The following KIAA0319 variants were observed in gnomAD, a reference collection of about 807,000 sequenced individuals.
KIAA0319 encodes the protein KIAA0319, also known as dyslexia-associated protein KIAA0319.
KIAA0319 carries 83 observed loss-of-function variants against 108.4 expected under a neutral mutation model. The observed-to-expected ratio is 0.77, with a 90% CI of 0.64 to 0.92. The LOEUF is 0.92. KIAA0319 is among the 40% of genes least tolerant of loss of function. KIAA0319 has a pLI of 0.00. For missense variants in KIAA0319, 1,195 were observed against 1,322.4 expected (o/e 0.90, Z 1.49); for synonymous variants, 484 against 510.4 (o/e 0.95, Z 0.70).
At chr6:24,616,443 C>T (rs1270129216) in intron 1 of KIAA0319, among the ~76,000 whole-genome samples, 2 of 152,138 alleles carry the variant, frequency 1.3e-5, no homozygotes, top group East Asian at 1.9e-4. Flanking sequence ...CTGAAACCTC[C>T]GCCTCCCGGG....
At chr6:24,605,062 A>G (rs1771206782) in intron 1 of KIAA0319, among the ~76,000 whole-genome samples, 1 of 152,158 alleles carries the variant, frequency 6.6e-6, no homozygotes, top group East Asian at 1.9e-4. Flanking sequence ...GCTGGTCTCG[A>G]TCTCCTGACC....
chr6:24,583,734 T>C, intron 4 of KIAA0319, 32 bp from the exon 5 acceptor site: 1 of 1,320,846 alleles, frequency 7.6e-7, no homozygotes, highest in Non-Finnish European at 1.1e-6. Context: ...TACGTGCAAT[T>C]ATATAATATA....
chr6:24,599,481 C>A lies in KIAA0319; in HGVS notation c.55+1568G>T. On this transcript the variant is annotated intron_variant, in intron 2 of 20. Coordinates refer to ENST00000378214, the MANE Select transcript of KIAA0319 (RefSeq NM_014809.4). This position sits in a 1 kb window ranked among gnomAD's most constrained non-coding sequence, Gnocchi z 4.1. ...ATGGCAGCTGCATGAGTACCAGGAG[C>A]TGATGATCATCAAGCCAACCCTGGA... 1.8e-6 allele frequency: 1 copy of A among 561,258 alleles called. No homozygotes were observed. The highest frequency in any genetic ancestry group is 4.2e-5 in the East Asian group (1 of 23,570). 34.8% of individuals were successfully genotyped at this position (561,258 alleles called of 1,614,324 possible).
intron 1 of KIAA0319, among the ~76,000 whole-genome samples, chr6:24,622,775 G>T (rs954195658): frequency 9.8e-5 from 15 of 152,288 alleles, no homozygotes; most frequent in African/African-American, 3.4e-4. Context: ...TGGGCACGGT[G>T]GTTCACACCT....
chr6:24,598,617 T>A, intron 2 of KIAA0319: 1 of 341,592 alleles, frequency 2.9e-6, no homozygotes, highest in Non-Finnish European at 5.7e-6. Context: ...GGCTCACATC[T>A]GTAATCCCAA....
intron 3 of KIAA0319, among the ~76,000 whole-genome samples, chr6:24,592,225 T>C (rs1768608912): frequency 6.6e-6 from 1 of 152,168 alleles, no homozygotes; most frequent in African/African-American, 2.4e-5. Flanking sequence ...GAGATAGGGG[T>C]CTAAATTCAT....
rs1021742910 is a variant in KIAA0319 at position 24,545,811 on chromosome 6, T to G, written c.*1354A>C. On this transcript the variant is annotated 3_prime_UTR_variant, in exon 21 of 21. Transcript: ENST00000378214. ...TGCCCTGGTGTTTAAATACCTTGCT[T>G]CTTCATCAGCAATGCATTCCTAGTT... 1 of 152,216 alleles carries G rather than the reference T, an allele frequency of 6.6e-6. No homozygotes were observed. Among genetic ancestry groups the G allele is most frequent in the African/African-American group, 2.4e-5 (1 of 41,450 alleles). 9.4% of individuals were successfully genotyped at this position (152,216 alleles called of 1,614,324 possible).
intron 3 of KIAA0319, among the ~76,000 whole-genome samples, chr6:24,594,138 G>T (rs893754172): frequency 7.6e-6 from 1 of 131,846 alleles, no homozygotes; most frequent in Non-Finnish European, 1.6e-5. Context: ...AGCGGAGGTT[G>T]CAGTAAGCCA....
At chr6:24,638,425 C>G (rs2127596276) in intron 1 of KIAA0319, among the ~76,000 whole-genome samples, 1 of 152,280 alleles carries the variant, frequency 6.6e-6, no homozygotes, top group East Asian at 1.9e-4. Flanking sequence ...AATGGTCCAA[C>G]AGACATCTCC....
intron 1 of KIAA0319, among the ~76,000 whole-genome samples, chr6:24,639,431 C>T (rs769780335): frequency 4.6e-5 from 7 of 152,038 alleles, no homozygotes; most frequent in Non-Finnish European, 4.4e-5. Flanking sequence ...TGTTAGCACT[C>T]AAGAGTAATA....
At chr6:24,636,899 A>T (rs551391135) in intron 1 of KIAA0319, among the ~76,000 whole-genome samples, 1 of 152,330 alleles carries the variant, frequency 6.6e-6, no homozygotes, top group African/African-American at 2.4e-5. Flanking sequence ...ATACATTTCA[A>T]CTGGTCCAGC....
chr6:24,610,713 G>C (rs1262837583), intron 1 of KIAA0319, among the ~76,000 whole-genome samples: 1 of 151,906 alleles, frequency 6.6e-6, no homozygotes, highest in Non-Finnish European at 1.5e-5. Context: ...TTGAGCCCAC[G>C]AGTTTGTGAC....
rs62402860 is a variant in KIAA0319 at position 24,637,335 on chromosome 6, G to A, written c.-106+8401C>T. Reference sequence around the variant, plus strand: ...AAAAATGCCTGGAAAAGCTTCACCCGAGAGCTCTGCTCATTCCTCTCAAAA... The same window carrying A: ...AAAAATGCCTGGAAAAGCTTCACCCAAGAGCTCTGCTCATTCCTCTCAAAA... On this transcript the variant is annotated intron_variant, in intron 1 of 20. Coordinates refer to ENST00000378214, the MANE Select transcript of KIAA0319 (RefSeq NM_014809.4). 3.3e-5 allele frequency among the ~76,000 whole-genome samples: 5 copies of A among 152,292 alleles called. 1 individual carries two copies. The highest frequency in any genetic ancestry group is 4.1e-4 in the South Asian group (2 of 4,824).
chr6:24,644,254 G>A (rs200859955), intron 1 of KIAA0319, among the ~76,000 whole-genome samples: 2 of 149,380 alleles, frequency 1.3e-5, no homozygotes, highest in African/African-American at 2.5e-5. Flanking sequence ...AGAGGGGGGG[G>A]TTCCCACTCT....
chr6:24,549,277 G>C (rs1322854885), intron 20 of KIAA0319, among the ~76,000 whole-genome samples: 1 of 139,968 alleles, frequency 7.1e-6, no homozygotes, highest in Non-Finnish European at 1.5e-5. Context: ...AGTGAGCTGA[G>C]ATTGCACCAC....
chr6:24,588,915 C>T (rs900517655), intron 3 of KIAA0319, 130 bp from the exon 4 acceptor site: 133 of 735,122 alleles, frequency 1.8e-4, no homozygotes, highest in Middle Eastern at 1.1e-3. Context: ...AATAATATTG[C>T]AAAACTCTGG....
chr6:24,575,293 T>C (rs1424302737), intron 10 of KIAA0319, among the ~76,000 whole-genome samples: 3 of 152,208 alleles, frequency 2.0e-5, no homozygotes, highest in Non-Finnish European at 4.4e-5. Context: ...TGGATACACA[T>C]CCAGTATGCA....
intron 1 of KIAA0319, among the ~76,000 whole-genome samples, chr6:24,612,846 T>G (rs1029649905): frequency 6.6e-6 from 1 of 152,196 alleles, no homozygotes; most frequent in Non-Finnish European, 1.5e-5. Context: ...TCGCCCAGGC[T>G]GGAGTGCAGT....
rs2127522910 is a variant in KIAA0319, at chr6:24,596,125, C to T, written c.549G>A (p.Thr183=). The change falls in exon 3 of 21, where the codon ACG becomes ACA. Residue 183 remains threonine (T), a synonymous_variant. Transcript: ENST00000378214. ...KQEPRGSAEY[T]DWGLLPGSEG... is the part of the protein sequence containing the mutation. ...CGCTGCCCGGCAGTAGGCCCCAGTC[C>T]GTGTACTCGGCACTCCCTCTGGGCT... The T allele has an allele frequency of 4.3e-6, 7 of 1,613,954 alleles. No individual in the cohort carries two copies. Among genetic ancestry groups the T allele is most frequent in the Non-Finnish European group, 5.9e-6 (7 of 1,179,958 alleles).
Sources: gnomAD v4.1 joint callset for allele counts (sites outside exome capture counted in the v4.1 genomes callset) on GRCh38, gnomAD v4.1.1 for gene constraint, Gnocchi (gnomAD v3.1) non-coding constraint, MANE v1.5 for transcripts, NCBI Gene and HGNC (gene_info 2026-07-23, HGNC 2026-07-21) for gene names.